Variants in ZFPM2 observed in about 807,000 individuals in gnomAD.
ZFPM2 encodes the protein zinc finger protein, FOG family member 2, also known as zinc finger protein ZFPM2.
Under a neutral mutation model 98.6 loss-of-function variants are expected in ZFPM2, and 20 were observed. That is an observed-to-expected ratio of 0.20 (90% CI 0.14 to 0.29). The LOEUF is 0.29. Among genes scored for constraint, ZFPM2 ranks in the 10% least tolerant of loss-of-function variants. The pLI, the probability that ZFPM2 is intolerant of heterozygous loss-of-function variation, is 1.00. For synonymous variants in ZFPM2, 518 were observed against 502.7 expected, an observed-to-expected ratio of 1.03 and a Z score of -0.41; for missense variants, 1,310 against 1,388.6, an observed-to-expected ratio of 0.94 and a Z score of 0.90.
intron 2 of ZFPM2, among the ~76,000 whole-genome samples, chr8:105,442,460 T>G (rs1812273583): frequency 6.6e-6 from 1 of 152,244 alleles, no homozygotes. Context: ...GACTGTCTTT[T>G]TCTGTAAATA....
Position 105,801,824 on chromosome 8 carries a change from C to A in ZFPM2, c.1742C>A (p.Ser581Tyr). The A allele has an allele frequency of 5.6e-6, 9 of 1,613,938 alleles. No homozygotes were observed. Among genetic ancestry groups the A allele is most frequent in the Non-Finnish European group, 7.6e-6 (9 of 1,179,884 alleles). ...AGCCGATGGCAGCAGATGGCTAAGT[C>A]CCCAGAGTTCCCTAGTGTGTCAGAA... ...CSSRWQQMAKSPEFPSVSEKM... is the reference protein window; with the variant it reads ...CSSRWQQMAKYPEFPSVSEKM... Residue 581 changes from serine to tyrosine, a missense_variant, in exon 8 of 8, where the codon TCC becomes TAC. Coordinates refer to ENST00000407775, the MANE Select transcript of ZFPM2 (RefSeq NM_012082.4).
intron 5 of ZFPM2, among the ~76,000 whole-genome samples, chr8:105,766,361 T>C (rs960452224): frequency 2.6e-5 from 4 of 151,912 alleles, no homozygotes; most frequent in African/African-American, 9.7e-5. Flanking sequence ...AAGTGATAGC[T>C]AGGATGACAA....
At chr8:105,660,063 A>G (rs1204174411) in intron 5 of ZFPM2, among the ~76,000 whole-genome samples, 4 of 152,202 alleles carry the variant, frequency 2.6e-5, no homozygotes, top group Admixed American at 2.0e-4. Flanking sequence ...TGCTCTTTAT[A>G]ATAACTTGTT....
chr8:105,426,345 A>G (rs1219722399), intron 2 of ZFPM2, among the ~76,000 whole-genome samples: 1 of 152,126 alleles, frequency 6.6e-6, no homozygotes, highest in African/African-American at 2.4e-5. Context: ...AATCGCCTGT[A>G]AGCTTACTGA....
At chr8:105,725,702 A>G (rs1314950958) in intron 5 of ZFPM2, among the ~76,000 whole-genome samples, 6 of 151,856 alleles carry the variant, frequency 4.0e-5, no homozygotes, top group Admixed American at 2.0e-4. Context: ...CCTATGACTT[A>G]CTAGCATTTT....
intron 1 of ZFPM2, among the ~76,000 whole-genome samples, chr8:105,412,518 C>T (rs755874010): frequency 4.0e-5 from 6 of 151,658 alleles, no homozygotes; most frequent in Non-Finnish European, 7.4e-5. Flanking sequence ...ATTCTCTGGT[C>T]TGCTACCTGC....
Position 105,801,896 on chromosome 8 carries a change from A to G in ZFPM2, c.1814A>G (p.Asn605Ser). ...CCCAACACTGGCCAAACCTCCATAA[A>G]CCTTCTCAACCCAGCTGCTCATTCT... ...LSPNTGQTSINLLNPAAHSAD... is the reference protein window; with the variant it reads ...LSPNTGQTSISLLNPAAHSAD... Residue 605 changes from asparagine (N) to serine (S), a missense_variant, in exon 8 of 8, where the codon AAC (asparagine) becomes AGC (serine). Coordinates refer to ENST00000407775, the MANE Select transcript of ZFPM2 (RefSeq NM_012082.4). 6.2e-7 allele frequency: 1 copy of G among 1,613,796 alleles called. No individual in the cohort carries two copies. The highest frequency in any genetic ancestry group is 2.2e-5 in the East Asian group (1 of 44,850).
chr8:105,535,686 C>T (rs184130360), intron 3 of ZFPM2, among the ~76,000 whole-genome samples: 273 of 152,186 alleles, frequency 1.8e-3, no homozygotes, highest in African/African-American at 6.3e-3. Flanking sequence ...TGTCTAAATT[C>T]ATCTGATTAT....
At chr8:105,401,293 T>A (rs866305105) in intron 1 of ZFPM2, among the ~76,000 whole-genome samples, 20 of 152,218 alleles carry the variant, frequency 1.3e-4, no homozygotes, top group Middle Eastern at 3.4e-3. Context: ...CTACTTAAAA[T>A]TTTTAAAATG....
chr8:105,658,586 C>CAAAAAAAAAAAAAAAAAAAAAA (rs773181953), intron 5 of ZFPM2, among the ~76,000 whole-genome samples: 2 of 7,906 alleles, frequency 2.5e-4, no homozygotes, highest in Non-Finnish European at 2.0e-4. Context: ...GACTCCGTCT[C>CAAAAAAAAAAAAAAAAAAAAAA]AAAAAAAAAA....
intron 5 of ZFPM2, among the ~76,000 whole-genome samples, chr8:105,771,663 GATC>G (rs1251122237): frequency 6.6e-6 from 1 of 152,058 alleles, no homozygotes; most frequent in Non-Finnish European, 1.5e-5. Context: ...ATTCCCCTAA[GATC>G]ACCCACTCAT....
rs16873334 is a variant in ZFPM2 at position 105,520,478 on chromosome 8, A to G, written c.302-40885A>G. 9.5e-3 allele frequency among the ~76,000 whole-genome samples: 1,453 copies of G among 152,278 alleles called. 12 individuals are homozygous for G. The highest frequency in any genetic ancestry group is 0.031 in the Middle Eastern group (9 of 294). ...AGAATCCAGTGATAAGCTTCGTAAC[A>G]CTAAGAGAAAAAATATAATTTAATT... On this transcript the variant is annotated intron_variant, in intron 3 of 7. Coordinates refer to ENST00000407775, the MANE Select transcript of ZFPM2 (RefSeq NM_012082.4).
At chr8:105,715,075 CA>C (rs1166373987) in intron 5 of ZFPM2, among the ~76,000 whole-genome samples, 1 of 151,940 alleles carries the variant, frequency 6.6e-6, no homozygotes, top group African/African-American at 2.4e-5. Flanking sequence ...ACTTGTTTCT[CA>C]GTTGCAACCG....
intron 4 of ZFPM2, among the ~76,000 whole-genome samples, chr8:105,568,136 A>T (rs1209525961): frequency 6.6e-6 from 1 of 152,008 alleles, no homozygotes; most frequent in East Asian, 1.9e-4. Flanking sequence ...TTCAGCTACT[A>T]ATTTACAAAT....
chr8:105,727,665 TC>T (rs1811844680), intron 5 of ZFPM2, among the ~76,000 whole-genome samples: 1 of 151,664 alleles, frequency 6.6e-6, no homozygotes, highest in Non-Finnish European at 1.5e-5. Flanking sequence ...ATTATAGTGT[TC>T]CCCTCATTGC....
intron 5 of ZFPM2, among the ~76,000 whole-genome samples, chr8:105,673,215 G>C (rs545230294): frequency 1.3e-5 from 1 of 74,954 alleles, no homozygotes; most frequent in African/African-American, 6.0e-5. Flanking sequence ...TTTACCGATC[G>C]TACTTACTTA....
At chr8:105,720,149 A>G (rs3779776) in intron 5 of ZFPM2, among the ~76,000 whole-genome samples, 25,269 of 151,776 alleles carry the variant, frequency 0.17, 2,561 homozygotes, top group East Asian at 0.32. Flanking sequence ...AATTTTACTA[A>G]CCAGCATTCT....
At chr8:105,691,211 G>A (rs2130937755) in intron 5 of ZFPM2, among the ~76,000 whole-genome samples, 1 of 144,798 alleles carries the variant, frequency 6.9e-6, no homozygotes, top group East Asian at 2.1e-4. Context: ...GTTGGCTCAA[G>A]CGCCCTGTTC....
chr8:105,352,026 G>T (rs916739505), intron 1 of ZFPM2, among the ~76,000 whole-genome samples: 2 of 152,102 alleles, frequency 1.3e-5, no homozygotes, highest in African/African-American at 4.8e-5. Flanking sequence ...AGGATTCAGG[G>T]TTTTAAGATG....
Sources: gnomAD v4.1 joint callset for allele counts (sites outside exome capture counted in the v4.1 genomes callset) on GRCh38, gnomAD v4.1.1 for gene constraint, MANE v1.5 for transcripts, NCBI Gene and HGNC (gene_info 2026-07-23, HGNC 2026-07-21) for gene names.